RSRC1: variants seen among roughly 807,000 people sequenced by gnomAD.
RSRC1 encodes the protein arginine and serine rich coiled-coil 1.
Under a neutral mutation model 49.1 loss-of-function variants are expected in RSRC1, and 39 were observed. That is an observed-to-expected ratio of 0.79 (90% confidence interval 0.61 to 1.04). The LOEUF is 1.04. RSRC1 is among the 50% of genes least tolerant of loss of function. RSRC1 has a pLI of 0.00. For missense variants in RSRC1, 388 were observed against 402.4 expected, an observed-to-expected ratio of 0.96 and a Z score of 0.31; for synonymous variants, 143 against 130.8, an observed-to-expected ratio of 1.09 and a Z score of -0.63.
intron 7 of RSRC1, among the ~76,000 whole-genome samples, chr3:158,508,505 T>C (rs9828477): frequency 0.018 from 2,608 of 142,358 alleles, 64 homozygotes; most frequent in African/African-American, 0.069. Context: ...TTTTCTCTCT[T>C]TTTTTTTTTA....
intron 6 of RSRC1, among the ~76,000 whole-genome samples, chr3:158,429,956 T>A (rs1017969693): frequency 1.3e-5 from 2 of 151,700 alleles, no homozygotes; most frequent in Non-Finnish European, 2.9e-5. Flanking sequence ...ACTCTAGAGA[T>A]CTGCTGTAAG....
chr3:158,382,657 C>T (rs1732763269), intron 6 of RSRC1, among the ~76,000 whole-genome samples: 1 of 152,150 alleles, frequency 6.6e-6, no homozygotes. Context: ...CAAAAATACC[C>T]GGCGTGGTCT....
chr3:158,396,240 AT>A (rs1478210745), intron 6 of RSRC1, among the ~76,000 whole-genome samples: 1 of 152,080 alleles, frequency 6.6e-6, no homozygotes, highest in South Asian at 2.1e-4. Context: ...ATCAGGTACT[AT>A]GCTTATCATC....
At chr3:158,321,677 A>G (rs1049417350) in intron 5 of RSRC1, among the ~76,000 whole-genome samples, 1 of 151,860 alleles carries the variant, frequency 6.6e-6, no homozygotes, top group Non-Finnish European at 1.5e-5. Context: ...AGTAATGCCA[A>G]AAACTGCAAT....
chr3:158,306,368 G>A (rs1727838604), intron 5 of RSRC1, among the ~76,000 whole-genome samples: 1 of 151,780 alleles, frequency 6.6e-6, no homozygotes, highest in African/African-American at 2.4e-5. Flanking sequence ...GATGCAATAT[G>A]TATACACACA....
intron 6 of RSRC1, among the ~76,000 whole-genome samples, chr3:158,391,004 CA>C (rs1733253700): frequency 6.6e-6 from 1 of 151,922 alleles, no homozygotes. Context: ...CTTTGAATTG[CA>C]AATAACAGTT....
At chr3:158,280,014 C>T (rs1403706822) in intron 4 of RSRC1, among the ~76,000 whole-genome samples, 1 of 152,152 alleles carries the variant, frequency 6.6e-6, no homozygotes, top group African/African-American at 2.4e-5. Context: ...TGACCACCAG[C>T]GCCTCTGACA....
intron 6 of RSRC1, among the ~76,000 whole-genome samples, chr3:158,361,547 C>T (rs899843367): frequency 6.6e-6 from 1 of 152,234 alleles, no homozygotes; most frequent in Non-Finnish European, 1.5e-5. Flanking sequence ...CCACTGTGGA[C>T]AGCCCATTGC....
At chr3:158,283,242 A>G (rs963871429) in intron 4 of RSRC1, among the ~76,000 whole-genome samples, 5 of 152,210 alleles carry the variant, frequency 3.3e-5, no homozygotes, top group African/African-American at 9.6e-5. Context: ...TGTGAGCTGA[A>G]TGTAGACCCA....
chr3:158,111,503 A>G (rs1340310684), intron 1 of RSRC1, among the ~76,000 whole-genome samples: 2 of 152,236 alleles, frequency 1.3e-5, no homozygotes, highest in East Asian at 1.9e-4. Context: ...ATAAATTCCT[A>G]TGATTGATCA....
intron 6 of RSRC1, among the ~76,000 whole-genome samples, chr3:158,455,594 C>G (rs929342339): frequency 1.3e-5 from 2 of 152,146 alleles, no homozygotes; most frequent in Non-Finnish European, 1.5e-5. Flanking sequence ...CTGATTAGCC[C>G]CTTGTCACCT....
At position 158,313,407 on chromosome 3, in the gene RSRC1, A is replaced by G. The variant is rs190066171; in HGVS notation, c.531+15332A>G. On this transcript the variant is annotated intron_variant, in intron 5 of 9. Coordinates refer to ENST00000611884, the MANE Select transcript of RSRC1 (RefSeq NM_001271838.2). ...AAGCATAGATTTTTAAATATTTATT[A>G]TGTTTTAATATGTGTCTCTCATCAT... Among the ~76,000 whole-genome samples the G allele has an allele frequency of 1.9e-3, 293 of 152,286 alleles. 1 individual carries two copies. The highest frequency in any genetic ancestry group is 6.8e-3 in the African/African-American group (281 of 41,562).
At chr3:158,313,853 A>G (rs1024822095) in intron 5 of RSRC1, among the ~76,000 whole-genome samples, 1 of 152,240 alleles carries the variant, frequency 6.6e-6, no homozygotes, top group Non-Finnish European at 1.5e-5. Flanking sequence ...GCAAATGAAT[A>G]TTCACTCCTA....
At chr3:158,294,011 T>G (rs754298936) in intron 4 of RSRC1, among the ~76,000 whole-genome samples, 8 of 152,146 alleles carry the variant, frequency 5.3e-5, no homozygotes, top group Non-Finnish European at 8.8e-5. Flanking sequence ...CTGCAGATTT[T>G]TAAACATCCT....
At chr3:158,529,544 GT>G (rs1436802860) in intron 7 of RSRC1, among the ~76,000 whole-genome samples, 1 of 151,812 alleles carries the variant, frequency 6.6e-6, no homozygotes, top group African/African-American at 2.4e-5. Flanking sequence ...TTTAAATGAG[GT>G]AATCCATGTG....
intron 6 of RSRC1, among the ~76,000 whole-genome samples, chr3:158,414,484 A>G (rs1049850111): frequency 6.6e-6 from 1 of 152,082 alleles, no homozygotes; most frequent in African/African-American, 2.4e-5. Context: ...AGGTGCAGCA[A>G]ACCCACTGTG....
At chr3:158,111,029 T>G (rs1319341296) in intron 1 of RSRC1, among the ~76,000 whole-genome samples, 1 of 152,242 alleles carries the variant, frequency 6.6e-6, no homozygotes, top group Non-Finnish European at 1.5e-5. Flanking sequence ...CCAATTGTGT[T>G]CCAGCTAACT....
intron 3 of RSRC1, among the ~76,000 whole-genome samples, chr3:158,170,107 T>C (rs1718785401): frequency 6.6e-6 from 1 of 152,070 alleles, no homozygotes; most frequent in South Asian, 2.1e-4. Flanking sequence ...TATTGGAGAG[T>C]TTAATAATAA....
intron 6 of RSRC1, among the ~76,000 whole-genome samples, chr3:158,361,393 C>G (rs1731461814): frequency 6.6e-6 from 1 of 152,154 alleles, no homozygotes. Context: ...GCCACAGAGG[C>G]TCTGGGCCTT....
Sources: allele counts gnomAD v4.1 joint callset (sites outside exome capture counted in the v4.1 genomes callset), GRCh38; gene constraint gnomAD v4.1.1; transcripts MANE v1.5; gene names NCBI Gene and HGNC (gene_info 2026-07-23, HGNC 2026-07-21).